PRRX1: variants seen among roughly 807,000 people sequenced by gnomAD.
PRRX1 encodes paired related homeobox 1.
In PRRX1, 8 loss-of-function variants were observed where a neutral mutation model predicts 24.0. The observed-to-expected ratio is 0.33, with a 90% CI of 0.20 to 0.60. The LOEUF is 0.60. PRRX1 is among the 20% of genes least tolerant of loss of function. PRRX1 has a pLI of 0.82. For missense variants in PRRX1, 281 were observed against 322.4 expected, an observed-to-expected ratio of 0.87 and a Z score of 0.98; for synonymous variants, 160 against 131.7, an observed-to-expected ratio of 1.22 and a Z score of -1.47.
intron 1 of PRRX1, among the ~76,000 whole-genome samples, chr1:170,679,230 G>A (rs921253334): frequency 2.0e-5 from 3 of 152,024 alleles, no homozygotes; most frequent in African/African-American, 7.2e-5. Context: ...CTTAACAAAC[G>A]GTTGCTGAAT....
intron 1 of PRRX1, among the ~76,000 whole-genome samples, chr1:170,713,275 G>A (rs772478832): frequency 5.3e-5 from 8 of 152,118 alleles, no homozygotes; most frequent in Non-Finnish European, 1.2e-4. Flanking sequence ...CACATAATGC[G>A]GTGGGGTGGG....
chr1:170,668,939 T>C (rs1653044076), intron 1 of PRRX1: 1 of 152,144 alleles, frequency 6.6e-6, no homozygotes, highest in Non-Finnish European at 1.5e-5. Flanking sequence ...AGTGCCTCAC[T>C]GAGTCCCCAG....
intron 3 of PRRX1, chr1:170,730,351 A>T (rs748691627): frequency 3.6e-5 from 58 of 1,605,074 alleles, no homozygotes; most frequent in Non-Finnish European, 4.8e-5. Context: ...CTGAAAAGGT[A>T]ACTTGTCAGA....
chr1:170,663,398 A>C (rs1206801919), upstream of PRRX1: 1 of 147,356 alleles, frequency 6.8e-6, no homozygotes, highest in Non-Finnish European at 1.5e-5. Context: ...CTGAGAAGGA[A>C]AAAGGAGCCC....
intron 1 of PRRX1, among the ~76,000 whole-genome samples, chr1:170,714,176 T>C (rs992877315): frequency 6.6e-6 from 1 of 152,232 alleles, no homozygotes; most frequent in Non-Finnish European, 1.5e-5. Context: ...CTCAAATGAA[T>C]GCCACAGCTC....
At chr1:170,706,904 G>T (rs1338267849) in intron 1 of PRRX1, among the ~76,000 whole-genome samples, 3 of 152,020 alleles carry the variant, frequency 2.0e-5, no homozygotes, top group Non-Finnish European at 2.9e-5. Flanking sequence ...TGAGGCAGGA[G>T]GATTGCATGA....
At chr1:170,683,227 G>A (rs1653613788) in intron 1 of PRRX1, among the ~76,000 whole-genome samples, 1 of 152,242 alleles carries the variant, frequency 6.6e-6, no homozygotes, top group Non-Finnish European at 1.5e-5. Context: ...AGGAGAAGCA[G>A]TTAGGAGGTT....
intron 3 of PRRX1, among the ~76,000 whole-genome samples, chr1:170,729,939 G>T (rs1367699722): frequency 1.3e-5 from 2 of 152,218 alleles, no homozygotes; most frequent in Non-Finnish European, 2.9e-5. Context: ...GCAGTGCTTT[G>T]CTTCGTGCTT....
chr1:170,687,673 C>T (rs757289945), intron 1 of PRRX1, among the ~76,000 whole-genome samples: 9 of 152,050 alleles, frequency 5.9e-5, no homozygotes, highest in Non-Finnish European at 1.3e-4. Flanking sequence ...GTAGCAAGTC[C>T]CTGCTTCATG....
At chr1:170,684,357 C>A (rs921453492) in intron 1 of PRRX1, among the ~76,000 whole-genome samples, 2 of 152,172 alleles carry the variant, frequency 1.3e-5, no homozygotes, top group Non-Finnish European at 2.9e-5. Context: ...CTTTGTATGA[C>A]CCCGAAGTGA....
At chr1:170,713,147 T>C (rs1244228917) in intron 1 of PRRX1, among the ~76,000 whole-genome samples, 1 of 152,240 alleles carries the variant, frequency 6.6e-6, no homozygotes, top group African/African-American at 2.4e-5. Flanking sequence ...AGTAGTAGTA[T>C]TTCATGTCTG....
At chr1:170,726,861 G>GAAGAAGGAAGGAAGGAAGAAAGAAAGGA (rs1655273958) in intron 3 of PRRX1, 1 of 154,906 alleles carries the variant, frequency 6.5e-6, no homozygotes, top group African/African-American at 2.4e-5. Flanking sequence ...TTAAAAAAAG[G>GAAGAAGGAAGGAAGGAAGAAAGAAAGGA]AAGAAGGAAG....
chr1:170,718,349 A>C (rs1354614516), intron 1 of PRRX1, among the ~76,000 whole-genome samples: 1 of 152,228 alleles, frequency 6.6e-6, no homozygotes, highest in Non-Finnish European at 1.5e-5. Flanking sequence ...CTCTGGATTT[A>C]AGCTACATTT....
intron 3 of PRRX1, chr1:170,730,268 CA>C: frequency 1.2e-6 from 2 of 1,604,842 alleles, no homozygotes; most frequent in South Asian, 1.1e-5. Flanking sequence ...TTCACACTTT[CA>C]AAAATAGATC....
At chr1:170,719,222 T>C (rs1655003646) in intron 1 of PRRX1, among the ~76,000 whole-genome samples, 2 of 152,234 alleles carry the variant, frequency 1.3e-5, no homozygotes, top group African/African-American at 4.8e-5. Flanking sequence ...ATCCCTGTAA[T>C]GTGGTTTGAA....
chr1:170,699,124 A>G (rs1228119873), intron 1 of PRRX1, among the ~76,000 whole-genome samples: 1 of 152,190 alleles, frequency 6.6e-6, no homozygotes, highest in Non-Finnish European at 1.5e-5. Context: ...CTCTCTGCCA[A>G]ATAAAATACA....
intron 1 of PRRX1, among the ~76,000 whole-genome samples, chr1:170,707,177 G>GA (rs1272495519): frequency 1.3e-5 from 2 of 151,882 alleles, no homozygotes; most frequent in African/African-American, 4.8e-5. Context: ...CTCTAGGAAA[G>GA]AAAATTGTAA....
intron 3 of PRRX1, chr1:170,730,604 C>CCTG: frequency 2.4e-6 from 1 of 421,170 alleles, no homozygotes; most frequent in Non-Finnish European, 4.3e-6. Context: ...TGTGCAAACT[C>CCTG]TGATTCACTA....
chr1:170,714,440 G>A (rs1431461072), intron 1 of PRRX1, among the ~76,000 whole-genome samples: 2 of 152,218 alleles, frequency 1.3e-5, no homozygotes, highest in South Asian at 2.1e-4. Context: ...AAACTTTGAT[G>A]TGGTAGTTGG....
Sources: gnomAD v4.1 joint callset for allele counts (sites outside exome capture counted in the v4.1 genomes callset) on GRCh38, gnomAD v4.1.1 for gene constraint, MANE v1.5 for transcripts, NCBI Gene and HGNC (gene_info 2026-07-23, HGNC 2026-07-21) for gene names.